SIPA1L1: variants seen among roughly 807,000 people sequenced by gnomAD.
SIPA1L1 encodes signal-induced proliferation-associated 1-like protein 1.
In SIPA1L1, 26 loss-of-function variants were observed where a neutral mutation model predicts 162.7. That is an observed-to-expected ratio of 0.16 (90% CI 0.12 to 0.22). The LOEUF (loss-of-function observed/expected upper bound fraction) is 0.22. Among genes scored for constraint, SIPA1L1 ranks in the 10% least tolerant of loss-of-function variants. The pLI is 1.00. For missense variants in SIPA1L1, 1,874 were observed against 2,241.0 expected (o/e 0.84, Z 3.31); for synonymous variants, 829 against 837.4 (o/e 0.99, Z 0.17).
intron 8 of SIPA1L1, among the ~76,000 whole-genome samples, chr14:71,656,460 A>G (rs1276560591): frequency 6.6e-6 from 1 of 152,206 alleles, no homozygotes; most frequent in Non-Finnish European, 1.5e-5. Context: ...ATACATATTT[A>G]TAGAAAGGGT....
chr14:71,445,290 C>G (rs1442112148), intron 2 of SIPA1L1, among the ~76,000 whole-genome samples: 1 of 152,102 alleles, frequency 6.6e-6, no homozygotes, highest in Non-Finnish European at 1.5e-5. Flanking sequence ...TGTCTGAGGC[C>G]TTGGTGAGAG....
intron 17 of SIPA1L1, among the ~76,000 whole-genome samples, chr14:71,710,775 T>C (rs1270021118): frequency 5.3e-5 from 7 of 131,976 alleles, no homozygotes; most frequent in Admixed American, 4.4e-4. Context: ...ACAACTGCAC[T>C]CCAGCCTGGG....
rs1362507131 is a variant in SIPA1L1, at chr14:71,368,152, TTTTC to T, written c.-465+46979_-465+46982del. 1.1e-4 allele frequency among the ~76,000 whole-genome samples: 17 copies of T among 149,276 alleles called. 1 individual carries two copies. Among genetic ancestry groups the T allele is most frequent in the South Asian group, 6.3e-4 (3 of 4,776 alleles). On this transcript the variant is annotated intron_variant, in intron 2 of 23. Coordinates refer to ENST00000381232, the MANE Select transcript of SIPA1L1 (RefSeq NM_001386936.1). ...TATTTTTGTGGTATTCTTTTTTTTT[TTTTC>T]TTTCTTTTTTTTTTTTATTATACTT...
intron 2 of SIPA1L1, among the ~76,000 whole-genome samples, chr14:71,476,649 TTTTATTTA>T (rs200935200): frequency 0.12 from 17,943 of 146,196 alleles, 1,418 homozygotes; most frequent in East Asian, 0.39. Context: ...AATTTGTTCG[TTTTATTTA>T]TTTATTTATT....
chr14:71,543,202 A>G (rs1477999382), intron 4 of SIPA1L1, among the ~76,000 whole-genome samples: 1 of 152,162 alleles, frequency 6.6e-6, no homozygotes, highest in Non-Finnish European at 1.5e-5. Context: ...GAATTACCCC[A>G]TCACTCTTTT....
chr14:71,462,529 C>A (rs1267836835), intron 2 of SIPA1L1, among the ~76,000 whole-genome samples: 1 of 152,216 alleles, frequency 6.6e-6, no homozygotes. Context: ...CGTTGTGCCT[C>A]TTTCTTGGTT....
chr14:71,330,230 C>A, intron 2 of SIPA1L1: 1 of 644,952 alleles, frequency 1.6e-6, no homozygotes, highest in South Asian at 1.7e-5. Flanking sequence ...CCCCATCCTC[C>A]CAACTCCACT....
chr14:71,709,516 C>T lies in SIPA1L1; in HGVS notation c.4060C>T (p.Arg1354Trp), dbSNP rs751763932. Residue 1354 changes from arginine (R) to tryptophan (W), a missense_variant, in exon 17 of 24, where the codon CGG becomes TGG. Arg to Trp is a moderately radical substitution (Grantham distance 101). This residue lies in a region of SIPA1L1 where 936 missense variants were observed against 1,051.9 expected (regional missense o/e 0.89). Transcript: ENST00000381232. Reference sequence around the variant, plus strand: ...CAGTGAAGTAATCTCCATGGCAGATCGGACTTTGGAGACAGAGAGCCACGG... The same window carrying T: ...CAGTGAAGTAATCTCCATGGCAGATTGGACTTTGGAGACAGAGAGCCACGG... ...SSSEVISMAD[R>W]TLETESHGLD... 6.8e-6 allele frequency: 11 copies of T among 1,614,046 alleles called. No homozygotes were observed. The highest frequency in any genetic ancestry group is 9.3e-6 in the Non-Finnish European group (11 of 1,180,044).
At chr14:71,381,084 G>A (rs1332796966) in intron 2 of SIPA1L1, among the ~76,000 whole-genome samples, 1 of 152,142 alleles carries the variant, frequency 6.6e-6, no homozygotes, top group Non-Finnish European at 1.5e-5. Flanking sequence ...ATGGAGTCTG[G>A]CACTGTCGCC....
intron 2 of SIPA1L1, among the ~76,000 whole-genome samples, chr14:71,416,880 A>G (rs879652088): frequency 6.6e-6 from 1 of 152,178 alleles, no homozygotes; most frequent in Non-Finnish European, 1.5e-5. Flanking sequence ...GAATAAGCAT[A>G]CTTTTTTCTT....
intron 2 of SIPA1L1, among the ~76,000 whole-genome samples, chr14:71,435,317 C>T (rs2044290562): frequency 6.6e-6 from 1 of 151,914 alleles, no homozygotes; most frequent in African/African-American, 2.4e-5. Context: ...TAATGCTATC[C>T]CTCCTCCCTT....
At chr14:71,431,210 A>G (rs2140956031) in intron 2 of SIPA1L1, among the ~76,000 whole-genome samples, 1 of 152,324 alleles carries the variant, frequency 6.6e-6, no homozygotes, top group Admixed American at 6.5e-5. Flanking sequence ...TATGTTAAAT[A>G]AGTTAGAAGA....
intron 8 of SIPA1L1, among the ~76,000 whole-genome samples, chr14:71,651,806 C>T (rs141690949): frequency 1.4e-3 from 209 of 152,246 alleles, no homozygotes; most frequent in Non-Finnish European, 2.5e-3. Flanking sequence ...GCTAGGGTAT[C>T]GTTAAGCAAC....
At chr14:71,557,303 A>T (rs934952759) in intron 4 of SIPA1L1, among the ~76,000 whole-genome samples, 2 of 152,050 alleles carry the variant, frequency 1.3e-5, no homozygotes, top group Non-Finnish European at 2.9e-5. Flanking sequence ...TTCTTTTGTG[A>T]TTTCTTTCAT....
At chr14:71,425,348 AT>A (rs1203279067) in intron 2 of SIPA1L1, among the ~76,000 whole-genome samples, 1 of 152,106 alleles carries the variant, frequency 6.6e-6, no homozygotes, top group African/African-American at 2.4e-5. Flanking sequence ...GTAAACATTT[AT>A]AGCTGTGAAT....
intron 2 of SIPA1L1, among the ~76,000 whole-genome samples, chr14:71,331,670 A>G (rs1038376512): frequency 6.6e-6 from 1 of 152,192 alleles, no homozygotes; most frequent in African/African-American, 2.4e-5. Context: ...GATTTAGAGA[A>G]ATTATTATAA....
chr14:71,350,242 C>A (rs936517592), intron 2 of SIPA1L1, among the ~76,000 whole-genome samples: 3 of 151,878 alleles, frequency 2.0e-5, no homozygotes, highest in African/African-American at 7.3e-5. Flanking sequence ...CACACACACA[C>A]ACACACACAC....
chr14:71,408,658 C>T (rs1300686940), intron 2 of SIPA1L1, among the ~76,000 whole-genome samples: 1 of 152,106 alleles, frequency 6.6e-6, no homozygotes, highest in African/African-American at 2.4e-5. Context: ...ATTTTTTTCC[C>T]CCCTGGTTTT....
chr14:71,545,060 A>G (rs930208671), intron 4 of SIPA1L1, among the ~76,000 whole-genome samples: 16 of 151,992 alleles, frequency 1.1e-4, no homozygotes, highest in Admixed American at 5.9e-4. Context: ...CTATCTCACT[A>G]TGTTGCTCAG....
Sources: allele counts gnomAD v4.1 joint callset (sites outside exome capture counted in the v4.1 genomes callset), GRCh38; gene constraint gnomAD v4.1.1; regional missense constraint gnomAD v4.1.1; transcripts MANE v1.5; gene names NCBI Gene and HGNC (gene_info 2026-07-23, HGNC 2026-07-21).